Variants in MGAT4C observed in about 807,000 individuals in gnomAD.
MGAT4C encodes the protein alpha-1,3-mannosyl-glycoprotein 4-beta-N-acetylglucosaminyltransferase C.
A neutral mutation model predicts 40.1 loss-of-function variants in MGAT4C; 19 were observed. The ratio of observed to expected loss-of-function variants is 0.47; its 90% CI spans 0.33 to 0.70. The LOEUF is 0.70. Ranked by LOEUF, MGAT4C falls within the 30% of genes least tolerant of loss-of-function variation. The pLI is 0.02. For synonymous variants in MGAT4C, 181 were observed against 187.1 expected, an observed-to-expected ratio of 0.97 and a Z score of 0.27; for missense variants, 491 against 563.2, an observed-to-expected ratio of 0.87 and a Z score of 1.30.
chr12:85,996,086 G>A (rs1886594062), intron 2 of MGAT4C, among the ~76,000 whole-genome samples: 1 of 151,982 alleles, frequency 6.6e-6, no homozygotes, highest in African/African-American at 2.4e-5. Flanking sequence ...ACAATATCCA[G>A]GATCCAGCAA....
At chr12:86,069,807 T>C (rs1201601303) in intron 1 of MGAT4C, among the ~76,000 whole-genome samples, 2 of 152,136 alleles carry the variant, frequency 1.3e-5, no homozygotes, top group Non-Finnish European at 1.5e-5. Context: ...TCCATTCTTT[T>C]ACTCGGGCAA....
intron 2 of MGAT4C, among the ~76,000 whole-genome samples, chr12:86,527,798 T>A (rs1257479457): frequency 1.3e-5 from 2 of 152,178 alleles, no homozygotes; most frequent in African/African-American, 2.4e-5. Context: ...TTTCAAATTG[T>A]TTGCTATTTG....
At chr12:86,179,696 T>C (rs1765955530) in intron 1 of MGAT4C, among the ~76,000 whole-genome samples, 1 of 152,182 alleles carries the variant, frequency 6.6e-6, no homozygotes, top group Non-Finnish European at 1.5e-5. Context: ...TTTGTGGAAC[T>C]TTGAACTTGA....
At chr12:86,603,741 C>T (rs1371358010) in intron 2 of MGAT4C, among the ~76,000 whole-genome samples, 1 of 123,256 alleles carries the variant, frequency 8.1e-6, no homozygotes, top group African/African-American at 3.1e-5. Flanking sequence ...ATTATATATA[C>T]TATATATTAT....
intron 3 of MGAT4C, among the ~76,000 whole-genome samples, chr12:86,347,367 G>T (rs553549748): frequency 9.5e-4 from 144 of 152,122 alleles, no homozygotes; most frequent in African/African-American, 3.4e-3. Flanking sequence ...TTAAAAACAT[G>T]CCCACATTAA....
intron 2 of MGAT4C, among the ~76,000 whole-genome samples, chr12:86,546,440 G>A (rs1218828494): frequency 6.6e-6 from 1 of 151,772 alleles, no homozygotes; most frequent in Non-Finnish European, 1.5e-5. Flanking sequence ...TCTGAAACTT[G>A]GTAGGTGAAA....
intron 1 of MGAT4C, among the ~76,000 whole-genome samples, chr12:86,097,128 A>T (rs865720): frequency 1.3e-5 from 2 of 151,256 alleles, no homozygotes; most frequent in African/African-American, 4.8e-5. Flanking sequence ...GCATGTTTGC[A>T]TACAATCTTG....
chr12:86,624,007 G>A (rs1962721097), intron 2 of MGAT4C, among the ~76,000 whole-genome samples: 1 of 152,106 alleles, frequency 6.6e-6, no homozygotes, highest in African/African-American at 2.4e-5. Context: ...TATTTGACCT[G>A]TCTGTTAGCT....
At chr12:86,458,274 A>G (rs1957542641) in intron 2 of MGAT4C, among the ~76,000 whole-genome samples, 1 of 152,136 alleles carries the variant, frequency 6.6e-6, no homozygotes, top group Non-Finnish European at 1.5e-5. Flanking sequence ...ATCTCCATCA[A>G]GTTGTCTAGC....
At chr12:86,415,369 C>T (rs1592816269) in intron 3 of MGAT4C, among the ~76,000 whole-genome samples, 1 of 151,834 alleles carries the variant, frequency 6.6e-6, no homozygotes, top group African/African-American at 2.4e-5. Flanking sequence ...TAATAACTAA[C>T]ATACAAAGAT....
intron 1 of MGAT4C, among the ~76,000 whole-genome samples, chr12:86,254,847 G>C (rs146427243): frequency 1.4e-3 from 220 of 152,090 alleles, no homozygotes; most frequent in Admixed American, 3.0e-3. Context: ...GTCTGACACT[G>C]TCTATAAACT....
intron 1 of MGAT4C, among the ~76,000 whole-genome samples, chr12:86,108,225 G>T (rs761639005): frequency 1.3e-4 from 19 of 151,962 alleles, no homozygotes; most frequent in Non-Finnish European, 2.2e-4. Flanking sequence ...CTCTTCCTTT[G>T]GCATTTAGAC....
At chr12:86,020,197 T>C (rs55717124) in intron 2 of MGAT4C, among the ~76,000 whole-genome samples, 24,094 of 152,038 alleles carry the variant, frequency 0.16, 2,243 homozygotes, top group African/African-American at 0.27. Context: ...TTCTCCTGCC[T>C]GACTGCCCTG....
chr12:86,637,598 C>A (rs1227092816), intron 2 of MGAT4C, among the ~76,000 whole-genome samples: 2 of 151,918 alleles, frequency 1.3e-5, no homozygotes, highest in African/African-American at 4.8e-5. Flanking sequence ...AGGATATTCT[C>A]ACTTCCCACT....
In MGAT4C at chr12:86,431,956, C is replaced by CAG. The variant is rs143727218; in HGVS notation, c.-120+3199_-120+3200dup. On this transcript the variant is annotated intron_variant, in intron 3 of 7. Coordinates refer to the MGAT4C transcript ENST00000548651. Reference sequence around the variant, plus strand: ...ATGGAGAGAAGAGGAAAGAGCGAGACAGAGAGAGAGAGAGAGGAAGTATTA... The same window carrying CAG: ...ATGGAGAGAAGAGGAAAGAGCGAGACAGAGAGAGAGAGAGAGAGGAAGTATTA... Among the ~76,000 whole-genome samples the CAG allele has an allele frequency of 2.8e-3, 421 of 150,020 alleles. 2 individuals carry two copies. The highest frequency in any genetic ancestry group is 4.6e-3 in the Non-Finnish European group (308 of 67,348).
chr12:86,458,310 G>A (rs1957543223), intron 2 of MGAT4C, among the ~76,000 whole-genome samples: 2 of 152,124 alleles, frequency 1.3e-5, no homozygotes, highest in South Asian at 2.1e-4. Context: ...TGCCTAAGTT[G>A]TCTGTATAAG....
intron 1 of MGAT4C, among the ~76,000 whole-genome samples, chr12:86,154,323 A>G (rs1427432974): frequency 2.0e-5 from 3 of 152,134 alleles, no homozygotes; most frequent in African/African-American, 4.8e-5. Flanking sequence ...CTACCCTGGA[A>G]ATGAGATGTT....
chr12:86,491,300 C>T (rs1958129160), intron 2 of MGAT4C, among the ~76,000 whole-genome samples: 1 of 152,004 alleles, frequency 6.6e-6, no homozygotes, highest in Non-Finnish European at 1.5e-5. Context: ...TTTTATGAGG[C>T]CAGCATCATC....
chr12:86,754,845 A>C (rs935533950), intron 1 of MGAT4C, among the ~76,000 whole-genome samples: 4 of 152,028 alleles, frequency 2.6e-5, no homozygotes, highest in African/African-American at 9.7e-5. Flanking sequence ...TCTGTTACTC[A>C]CCTTCTTTGC....
Sources: allele counts gnomAD v4.1 joint callset (sites outside exome capture counted in the v4.1 genomes callset), GRCh38; gene constraint gnomAD v4.1.1; transcripts MANE v1.5; gene names NCBI Gene and HGNC (gene_info 2026-07-23, HGNC 2026-07-21).